CHD6: variants seen among roughly 807,000 people sequenced by gnomAD.
CHD6 encodes ATP-dependent chromatin remodeler CHD6.
Under a neutral mutation model 276.9 loss-of-function variants are expected in CHD6, and 50 were observed. The observed-to-expected ratio is 0.18, with a 90% CI of 0.14 to 0.23. CHD6 has a LOEUF of 0.23. Among genes scored for constraint, CHD6 ranks in the 10% least tolerant of loss-of-function variants. The pLI, the probability that CHD6 is intolerant of heterozygous loss-of-function variation, is 1.00. For missense variants in CHD6, 2,564 were observed against 3,365.8 expected (o/e 0.76, Z 5.89); for synonymous variants, 1,173 against 1,229.3 (o/e 0.95, Z 0.96).
intron 1 of CHD6, among the ~76,000 whole-genome samples, chr20:41,602,311 A>C (rs551857468): frequency 1.2e-4 from 19 of 152,268 alleles, no homozygotes; most frequent in African/African-American, 4.3e-4. Context: ...TCTTCCTGGC[A>C]AAGAGAAGAG....
At chr20:41,519,645 C>T (rs1268255547) in intron 3 of CHD6, among the ~76,000 whole-genome samples, 1 of 152,112 alleles carries the variant, frequency 6.6e-6, no homozygotes, top group East Asian at 1.9e-4. Context: ...AAACTGGATC[C>T]CTTCCTTACA....
chr20:41,427,106 G>A (rs539367882), intron 27 of CHD6, among the ~76,000 whole-genome samples: 1 of 151,980 alleles, frequency 6.6e-6, no homozygotes, highest in South Asian at 2.1e-4. Flanking sequence ...AAAAAGGGAG[G>A]AAGAATATGC....
At chr20:41,427,152 T>G (rs2047391584) in intron 27 of CHD6, among the ~76,000 whole-genome samples, 1 of 151,468 alleles carries the variant, frequency 6.6e-6, no homozygotes, top group Non-Finnish European at 1.5e-5. Flanking sequence ...GCCCAGGGTA[T>G]TTACTATCTG....
chr20:41,431,774 TGC>T, intron 27 of CHD6, among the ~76,000 whole-genome samples: 4 of 145,746 alleles, frequency 2.7e-5, no homozygotes, highest in South Asian at 2.1e-4. Flanking sequence ...TGAAAAAACA[TGC>T]TTTTTTTTTT....
chr20:41,439,079 C>T (rs944661235), intron 26 of CHD6, among the ~76,000 whole-genome samples: 11 of 152,074 alleles, frequency 7.2e-5, no homozygotes, highest in African/African-American at 2.4e-5. Context: ...ATGTTTTGGC[C>T]GGGTGTGGTG....
chr20:41,485,365 G>T (rs1216743439), intron 14 of CHD6, among the ~76,000 whole-genome samples: 1 of 152,172 alleles, frequency 6.6e-6, no homozygotes, highest in Non-Finnish European at 1.5e-5. Flanking sequence ...CATGATACCG[G>T]TAAGATTAAC....
intron 1 of CHD6, among the ~76,000 whole-genome samples, chr20:41,578,320 C>T (rs967847295): frequency 6.6e-6 from 1 of 152,230 alleles, no homozygotes; most frequent in African/African-American, 2.4e-5. Flanking sequence ...ATTCTTATCA[C>T]AATGATACCT....
intron 1 of CHD6, among the ~76,000 whole-genome samples, chr20:41,597,648 C>G (rs2045731671): frequency 1.3e-5 from 2 of 152,130 alleles, no homozygotes; most frequent in African/African-American, 4.8e-5. Flanking sequence ...ATCGCCCTCT[C>G]CAAAGTCAAG....
In CHD6 at chr20:41,421,740, A is replaced by G; in HGVS notation, c.4895T>C (p.Leu1632Pro). 6.2e-7 allele frequency: 1 copy of G among 1,614,226 alleles called. No individual in the cohort carries two copies. Among genetic ancestry groups the G allele is most frequent in the Non-Finnish European group, 8.5e-7 (1 of 1,180,050 alleles). ...ATATAACTTGGAGTTGGTCTGGTAA[A>G]GGCAACAGAGATTTCCTGGTGCCTG... is the stretch of plus-strand genomic sequence containing the variant. ...GTQAPGNLCC[L>P]YQTNSKLYES... Residue 1632 changes from leucine to proline, a missense_variant, in exon 31 of 37, where the codon CTT becomes CCT. Around this residue, in one of 7 missense-constraint regions of CHD6, gnomAD observed 1,024 missense variants for 1,047.9 expected, o/e 0.98. Transcript: ENST00000373233.
At position 41,491,853 on chromosome 20, in the gene CHD6, G is replaced by C. The variant is rs769449209; in HGVS notation, c.1315-34C>G. Reference sequence around the variant, plus strand: ...GAAAGCAAACAGCATAATAGATAGAGAATGATGTTTTAGGAGCATAACATG... The same window carrying C: ...GAAAGCAAACAGCATAATAGATAGACAATGATGTTTTAGGAGCATAACATG... On this transcript the variant is annotated intron_variant, in intron 10 of 36. Transcript: ENST00000373233. 19 of 1,611,110 alleles carry C rather than the reference G, an allele frequency of 1.2e-5. No homozygotes were observed. The Admixed American group carries it at 3.0e-4, about 25-fold the overall frequency.
intron 36 of CHD6, among the ~76,000 whole-genome samples, chr20:41,410,086 G>C (rs529964458): frequency 6.6e-6 from 1 of 152,186 alleles, no homozygotes; most frequent in Non-Finnish European, 1.5e-5. Context: ...ATGTGAGCTC[G>C]AAGGAAGGGA....
chr20:41,470,114 T>A (rs2043019917), intron 17 of CHD6, among the ~76,000 whole-genome samples: 1 of 152,322 alleles, frequency 6.6e-6, no homozygotes, highest in Admixed American at 6.5e-5. Context: ...CATCATTCTG[T>A]GGACAGTCTC....
At chr20:41,563,055 G>A (rs752439685) in intron 1 of CHD6, among the ~76,000 whole-genome samples, 3 of 152,188 alleles carry the variant, frequency 2.0e-5, no homozygotes, top group African/African-American at 7.2e-5. Context: ...CTCCTCAAAA[G>A]AAGTGTTTTA....
At chr20:41,495,425 G>A (rs761570830) in intron 8 of CHD6, among the ~76,000 whole-genome samples, 14 of 152,072 alleles carry the variant, frequency 9.2e-5, no homozygotes, top group Non-Finnish European at 1.9e-4. Flanking sequence ...CATAGAAGCA[G>A]AGAGTAAATG....
Position 41,514,896 on chromosome 20 carries a change from T to C in CHD6, c.611A>G (p.Glu204Gly), listed in dbSNP as rs1251759420. The change falls in exon 4 of 37, where the codon GAA (glutamate) becomes GGA (glycine). Residue 204 changes from glutamate to glycine, a missense_variant. By Grantham distance (98) the Glu-to-Gly change is moderately conservative (BLOSUM62 -2). Transcript: ENST00000373233. Reference sequence around the variant, plus strand: ...CAGCTCTAAACTCTCCACTGTAGTTTCACTTTTCCTTTTTCCTTTCTTCTT... The same window carrying C: ...CAGCTCTAAACTCTCCACTGTAGTTCCACTTTTCCTTTTTCCTTTCTTCTT... ...EKKKKGKRKS[E>G]TTVESLELDQ... The C allele has an allele frequency of 1.5e-5, 25 of 1,614,072 alleles. No homozygotes were observed. The highest frequency in any genetic ancestry group is 2.0e-5 in the Non-Finnish European group (24 of 1,179,948).
At chr20:41,550,888 G>T (rs1400554983) in intron 2 of CHD6, among the ~76,000 whole-genome samples, 1 of 152,034 alleles carries the variant, frequency 6.6e-6, no homozygotes, top group South Asian at 2.1e-4. Flanking sequence ...TCTCTCTAGG[G>T]GGAACCCATC....
chr20:41,521,759 C>T (rs1226660159), intron 3 of CHD6, among the ~76,000 whole-genome samples: 2 of 152,140 alleles, frequency 1.3e-5, no homozygotes, highest in African/African-American at 2.4e-5. Context: ...GCAGGGAAGA[C>T]AGACGATGAG....
At chr20:41,423,212 C>T (rs2047253112) in intron 30 of CHD6, among the ~76,000 whole-genome samples, 1 of 152,094 alleles carries the variant, frequency 6.6e-6, no homozygotes, top group Admixed American at 6.5e-5. Flanking sequence ...TAAAAAAACC[C>T]TTATACTTTG....
chr20:41,533,083 T>G lies in CHD6; in HGVS notation c.521A>C (p.Asp174Ala), dbSNP rs2044729292. The G allele has an allele frequency of 6.2e-7, 1 of 1,605,352 alleles. No individual in the cohort carries two copies. Among genetic ancestry groups the G allele is most frequent in the South Asian group, 1.1e-5 (1 of 89,580 alleles). Residue 174 changes from aspartate (D) to alanine (A), a missense_variant, in exon 3 of 37, where the codon GAC becomes GCC. Physicochemically the swap from Asp to Ala is moderately radical, Grantham distance 126. This residue lies in a region of CHD6 where 286 missense variants were observed against 297.8 expected (regional missense o/e 0.96). Coordinates refer to ENST00000373233, the MANE Select transcript of CHD6 (RefSeq NM_032221.5). Reference protein sequence around the residue: ...KEAKEKRSCTDSAARTKSRKA... With the variant: ...KEAKEKRSCTASAARTKSRKA... Reference sequence around the variant, plus strand: ...CCTGGACTTCGTCCTGGCTGCAGAGTCAGTGCAGCTCCTCTTCTCTTTGGC... The same window carrying G: ...CCTGGACTTCGTCCTGGCTGCAGAGGCAGTGCAGCTCCTCTTCTCTTTGGC...
Sources: gnomAD v4.1 joint callset for allele counts (sites outside exome capture counted in the v4.1 genomes callset) on GRCh38, gnomAD v4.1.1 for gene constraint, gnomAD v4.1.1 regional missense constraint, MANE v1.5 for transcripts, NCBI Gene and HGNC (gene_info 2026-07-23, HGNC 2026-07-21) for gene names.